The following JPH2 variants were observed in gnomAD, a reference collection of about 807,000 sequenced individuals.
JPH2 encodes the protein junctophilin-2.
A neutral mutation model predicts 55.9 loss-of-function variants in JPH2; 38 were observed. The observed-to-expected ratio is 0.68, with a 90% confidence interval of 0.52 to 0.89. JPH2 has a LOEUF of 0.89. JPH2 is among the 40% of genes least tolerant of loss of function. The pLI is 0.00. For missense variants in JPH2, 964 were observed against 1,037.6 expected (o/e 0.93, Z 0.97); for synonymous variants, 480 against 472.4 (o/e 1.02, Z -0.21).
chr20:44,164,074 C>T (rs2072636286), intron 1 of JPH2, among the ~76,000 whole-genome samples: 1 of 152,174 alleles, frequency 6.6e-6, no homozygotes, highest in Admixed American at 6.5e-5. Context: ...ATGTGACTTG[C>T]CCAAAGTCAC....
rs182419895 is a variant in JPH2 at position 44,145,159 on chromosome 20, C to T, written c.1169+14459G>A. On this transcript the variant is annotated intron_variant, in intron 2 of 5. Coordinates refer to ENST00000372980, the MANE Select transcript of JPH2 (RefSeq NM_020433.5). The stretch of plus-strand genomic sequence containing the variant: ...TGGTCTGGGCCCTTCCAGCACTGAT[C>T]CGAATCCCTGGGGCTCAGCTCAGAG... 6.4e-4 allele frequency among the ~76,000 whole-genome samples: 98 copies of T among 152,164 alleles called. 2 individuals are homozygous for T. Among genetic ancestry groups the T allele is most frequent in the Admixed American group, 9.1e-4 (14 of 15,306 alleles).
chr20:44,115,711 C>CG lies in JPH2; in HGVS notation c.1963dup (p.Arg655ProfsTer57), dbSNP rs1569180569. 6.2e-7 allele frequency: 1 copy of CG among 1,613,506 alleles called. No homozygotes were observed. Among genetic ancestry groups the CG allele is most frequent in the Admixed American group, 1.7e-5 (1 of 60,036 alleles). On this transcript the variant is annotated frameshift_variant, in exon 4 of 6. Transcript: ENST00000372980. LOFTEE classifies it high-confidence loss of function. ...CTCTGCCGCCAGTGCGGCCTCCTTC[C>CG]GCGCCTTCTTCTTGGCCCCCGCCTT...
chr20:44,118,763 GGCCC>G (rs1393252345), intron 2 of JPH2, 140 bp from the exon 3 acceptor site: 1 of 724,754 alleles, frequency 1.4e-6, no homozygotes. Context: ...TGAGCCTCAT[GGCCC>G]AGACTGCTAT....
Position 44,159,787 on chromosome 20 carries a change from C to G in JPH2, c.1000G>C (p.Gly334Arg). ...CGGTACTTGCCCTCCTCGCGGTGGC[C>G]GTCGGGCAGCGTGGTGCAGCCATAG... The part of the protein sequence containing the change: ...HGYGCTTLPD[G>R]HREEGKYRHN... The change falls in exon 2 of 6, where the codon GGC becomes CGC. Residue 334 changes from glycine (G) to arginine (R), a missense_variant. By Grantham distance (125) the Gly-to-Arg change is moderately radical. Coordinates refer to ENST00000372980, the MANE Select transcript of JPH2 (RefSeq NM_020433.5). The surrounding 1 kb of genome is among the most constrained non-coding windows in gnomAD (Gnocchi z 5.7). 6.2e-7 allele frequency: 1 copy of G among 1,613,002 alleles called. No individual in the cohort carries two copies. The highest frequency in any genetic ancestry group is 8.5e-7 in the Non-Finnish European group (1 of 1,179,882).
At chr20:44,150,747 C>T (rs1348563260) in intron 2 of JPH2, among the ~76,000 whole-genome samples, 3 of 152,132 alleles carry the variant, frequency 2.0e-5, no homozygotes. Flanking sequence ...AAATACAGGC[C>T]AGGTGTGGTG....
intron 2 of JPH2, among the ~76,000 whole-genome samples, chr20:44,132,512 T>A (rs910053): frequency 0.77 from 115,666 of 150,186 alleles, 44,607 homozygotes; most frequent in Admixed American, 0.81. Context: ...CATCACTAGC[T>A]CCCTTGCTCA....
chr20:44,118,669 C>T, intron 2 of JPH2, 46 bp from the exon 3 acceptor site: 1 of 1,467,276 alleles, frequency 6.8e-7, no homozygotes, highest in Non-Finnish European at 9.5e-7. Flanking sequence ...TCCAGAGAAC[C>T]AGCCTTCTGC....
chr20:44,165,258 T>C (rs761129162), intron 1 of JPH2, among the ~76,000 whole-genome samples: 2 of 150,530 alleles, frequency 1.3e-5, no homozygotes, highest in Non-Finnish European at 3.0e-5. Flanking sequence ...GTTTTTGTAA[T>C]GTAAATAAAT....
chr20:44,177,318 G>A (rs1198733735), intron 1 of JPH2: 10 of 986,552 alleles, frequency 1.0e-5, no homozygotes, highest in South Asian at 4.7e-5. Flanking sequence ...CCTCATGAGG[G>A]TGTGGAGGGC....
chr20:44,108,874 C>T lies in JPH2; in HGVS notation c.*4644G>A, dbSNP rs1264293780. Reference sequence around the variant, plus strand: ...CACGACACTCTCTCCAGACCTGTTTCCCCATATGAAAAACAGGGGGCCAGA... The same window carrying T: ...CACGACACTCTCTCCAGACCTGTTTTCCCATATGAAAAACAGGGGGCCAGA... On this transcript the variant is annotated 3_prime_UTR_variant, in exon 6 of 6. Transcript: ENST00000372980. 1.3e-5 allele frequency among the ~76,000 whole-genome samples: 2 copies of T among 152,250 alleles called. No homozygotes were observed. Among genetic ancestry groups the T allele is most frequent in the South Asian group, 2.1e-4 (1 of 4,820 alleles).
At chr20:44,138,525 G>A (rs1447681325) in intron 2 of JPH2, among the ~76,000 whole-genome samples, 1 of 151,958 alleles carries the variant, frequency 6.6e-6, no homozygotes, top group Non-Finnish European at 1.5e-5. Context: ...GGGACTACAG[G>A]TGAGCACTGC....
chr20:44,140,679 C>T (rs1236130875), intron 2 of JPH2, among the ~76,000 whole-genome samples: 1 of 151,712 alleles, frequency 6.6e-6, no homozygotes, highest in African/African-American at 2.4e-5. Context: ...AAGAGGTTCT[C>T]CCTGGGGTGA....
intron 2 of JPH2, among the ~76,000 whole-genome samples, chr20:44,152,404 G>A (rs925694659): frequency 2.0e-5 from 3 of 152,108 alleles, no homozygotes; most frequent in East Asian, 1.9e-4. Context: ...CACTGGGCAC[G>A]GTAGCTCACA....
In JPH2 at chr20:44,144,139, C is replaced by T. The variant is rs137883674; in HGVS notation, c.1169+15479G>A. ...GGTGTTTACTTGAAGGATTTAAAGA[C>T]GGGCTTTATTTTTAACTCCACTCCC... On this transcript the variant is annotated intron_variant, in intron 2 of 5. Coordinates refer to ENST00000372980, the MANE Select transcript of JPH2 (RefSeq NM_020433.5). Among the ~76,000 whole-genome samples the T allele has an allele frequency of 1.2e-4, 18 of 152,170 alleles. No individual in the cohort carries two copies. The East Asian group carries it at 2.3e-3, about 20-fold the overall frequency.
rs563456025 is a variant in JPH2 at position 44,148,461 on chromosome 20, G to T, written c.1169+11157C>A. Among the ~76,000 whole-genome samples the T allele has an allele frequency of 2.0e-5, 3 of 152,246 alleles. No individual in the cohort carries two copies. The South Asian group carries it at 6.2e-4, about 32-fold the overall frequency. On this transcript the variant is annotated intron_variant, in intron 2 of 5. Coordinates refer to ENST00000372980, the MANE Select transcript of JPH2 (RefSeq NM_020433.5). Reference sequence around the variant, plus strand: ...TGCCTGCCTCTGTTTCTGACACAATGGCCTTCCCCTAACAGATGAGGAAAG... The same window carrying T: ...TGCCTGCCTCTGTTTCTGACACAATTGCCTTCCCCTAACAGATGAGGAAAG...
intron 2 of JPH2, among the ~76,000 whole-genome samples, chr20:44,134,639 AT>A (rs1301893713): frequency 1.6e-5 from 1 of 63,320 alleles, no homozygotes; most frequent in Admixed American, 3.0e-4. Flanking sequence ...TATTATAAAT[AT>A]ATAAATATTT....
chr20:44,147,473 A>G (rs951211555), intron 2 of JPH2, among the ~76,000 whole-genome samples: 3 of 152,234 alleles, frequency 2.0e-5, no homozygotes, highest in African/African-American at 7.2e-5. Context: ...AAAACATATT[A>G]CATCAAAAAC....
chr20:44,147,042 G>A (rs2072498203), intron 2 of JPH2, among the ~76,000 whole-genome samples: 1 of 152,030 alleles, frequency 6.6e-6, no homozygotes, highest in African/African-American at 2.4e-5. Flanking sequence ...GGAGAGGTGG[G>A]GTGAGACACT....
intron 2 of JPH2, among the ~76,000 whole-genome samples, chr20:44,152,780 A>G (rs2072540702): frequency 6.6e-6 from 1 of 152,208 alleles, no homozygotes. Context: ...TCATTAGTTA[A>G]GGAAAAGGCC....
Sources: allele counts gnomAD v4.1 joint callset (sites outside exome capture counted in the v4.1 genomes callset), GRCh38; gene constraint gnomAD v4.1.1; non-coding constraint Gnocchi (gnomAD v3.1); transcripts MANE v1.5; gene names NCBI Gene and HGNC (gene_info 2026-07-23, HGNC 2026-07-21).